Variants in MUC5B observed in about 807,000 individuals in gnomAD.
MUC5B encodes the protein mucin-5B.
Under a neutral mutation model 376.9 loss-of-function variants are expected in MUC5B, and 116 were observed. That is an observed-to-expected ratio of 0.31 (90% confidence interval 0.26 to 0.36). The LOEUF (loss-of-function observed/expected upper bound fraction) is 0.36, where lower values mean the gene tolerates loss of function less well. Ranked by LOEUF, MUC5B falls within the 10% of genes least tolerant of loss-of-function variation. The pLI is 1.00. For missense variants in MUC5B, 7,165 were observed against 7,769.9 expected, an observed-to-expected ratio of 0.92 and a Z score of 2.93; for synonymous variants, 3,517 against 3,390.9, an observed-to-expected ratio of 1.04 and a Z score of -1.29.
rs776531051 is a variant in MUC5B at position 1,243,329 on chromosome 11, C to T, written c.6449C>T (p.Ser2150Phe). The T allele has an allele frequency of 4.5e-6, 7 of 1,557,622 alleles. No homozygotes were observed. Residue 2150 changes from serine to phenylalanine, a missense_variant, in exon 31 of 49, where the codon TCC (serine) becomes TTC (phenylalanine). Coordinates refer to ENST00000529681, the MANE Select transcript of MUC5B (RefSeq NM_002458.3). ...GCCACCGGCTCCACCACCAACCCCT[C>T]CTCAACTCCTGGGACAACTCCCATC... The part of the protein sequence containing the change: ...ITATGSTTNP[S>F]STPGTTPIPP...
chr11:1,254,621 C>A, intron 34 of MUC5B, 73 bp from the exon 35 acceptor site: 1 of 1,466,410 alleles, frequency 6.8e-7, no homozygotes, highest in Non-Finnish European at 9.2e-7. Flanking sequence ...AGGCAGAGCC[C>A]CAAAGAGAAG....
In MUC5B at chr11:1,245,742, G is replaced by A. The variant is rs760373607; in HGVS notation, c.8862G>A (p.Lys2954=). The A allele has an allele frequency of 1.4e-5, 23 of 1,610,910 alleles. No homozygotes were observed. The East Asian group carries it at 4.5e-4, about 31-fold the overall frequency. ...CRNREQVGKF[K]MCFNYEIRVF... is the part of the protein sequence containing the mutation. The stretch of plus-strand genomic sequence containing the variant: ...ACCGTGAGCAGGTGGGGAAGTTCAA[G>A]ATGTGCTTCAACTATGAAATCCGTG... The change falls in exon 31 of 49, where the codon AAG becomes AAA. Residue 2954 remains lysine, a synonymous_variant. Transcript: ENST00000529681.
rs781104000 is a variant in MUC5B at position 1,246,642 on chromosome 11, G to A, written c.9762G>A (p.Gln3254=). The A allele has an allele frequency of 1.9e-6, 3 of 1,611,926 alleles. No homozygotes were observed. Among genetic ancestry groups the A allele is most frequent in the Non-Finnish European group, 2.5e-6 (3 of 1,179,108 alleles). ...SLGTAWTRLS[Q]TTTPTATMST... Reference sequence around the variant, plus strand: ...GCACCGCCTGGACCCGCCTATCACAGACCACCACACCCACGGCCACCATGT... The same window carrying A: ...GCACCGCCTGGACCCGCCTATCACAAACCACCACACCCACGGCCACCATGT... The change falls in exon 31 of 49, where the codon CAG becomes CAA. Residue 3254 remains glutamine, a synonymous_variant. Coordinates refer to ENST00000529681, the MANE Select transcript of MUC5B (RefSeq NM_002458.3).
intron 46 of MUC5B, 42 bp from the exon 47 acceptor site, chr11:1,260,309 G>GC: frequency 6.2e-7 from 1 of 1,600,314 alleles, no homozygotes; most frequent in Non-Finnish European, 8.6e-7. Context: ...CACCAGGGAG[G>GC]CCCCGCCCAC....
chr11:1,251,602 G>C lies in MUC5B; in HGVS notation c.14722G>C (p.Val4908Leu), dbSNP rs752110609. 149 of 1,612,890 alleles carry C rather than the reference G, an allele frequency of 9.2e-5. No homozygotes were observed. Among genetic ancestry groups the C allele is most frequent in the Non-Finnish European group, 1.2e-4 (144 of 1,179,822 alleles). Residue 4908 changes from valine (V) to leucine (L), a missense_variant, in exon 31 of 49, where the codon GTG becomes CTG. This residue lies in a region of MUC5B where 730 missense variants were observed against 592.7 expected (regional missense o/e 1.23). Coordinates refer to ENST00000529681, the MANE Select transcript of MUC5B (RefSeq NM_002458.3). ...STVGTTRTPA[V>L]LPSSLPTFSV... is the part of the protein sequence containing the mutation. ...CGTGGGGACCACCCGCACCCCTGCA[G>C]TGCTCCCCAGCAGCCTGCCAACCTT...
At position 1,227,682 on chromosome 11, in the gene MUC5B, G is replaced by A. The variant is rs911170152; in HGVS notation, c.675G>A (p.Arg225=). ...AFNEFYAHNA[R]LTPLQFGNLQ... ...CTGCTTTCTTCCCGGCAGACGCCAG[G>A]CTGACCCCGCTCCAGTTTGGGAACC... is the stretch of plus-strand genomic sequence containing the variant. Residue 225 remains arginine, a synonymous_variant, in exon 7 of 49, where the codon AGG becomes AGA. Coordinates refer to ENST00000529681, the MANE Select transcript of MUC5B (RefSeq NM_002458.3). 1.4e-6 allele frequency: 1 copy of A among 720,586 alleles called. No homozygotes were observed. Among genetic ancestry groups the A allele is most frequent in the Non-Finnish European group, 2.6e-6 (1 of 386,828 alleles). 44.6% of individuals were successfully genotyped at this position (720,586 alleles called of 1,614,324 possible).
At chr11:1,256,115 C>A in intron 37 of MUC5B, 41 bp from the exon 38 acceptor site, 1 of 713,590 alleles carries the variant, frequency 1.4e-6, no homozygotes, top group Non-Finnish European at 2.6e-6. Context: ...CCTGGGCCCC[C>A]CCAACCCCTT....
rs1381713154 is a variant in MUC5B, at chr11:1,251,747, A to G, written c.14863+4A>G. 1.9e-6 allele frequency: 3 copies of G among 1,569,192 alleles called. No individual in the cohort carries two copies. The highest frequency in any genetic ancestry group is 2.6e-6 in the Non-Finnish European group (3 of 1,147,044). On this transcript the variant is annotated splice_donor_region_variant and intron_variant, in intron 31 of 48. Transcript: ENST00000529681. ...TTTGGACAGTTTTTCTCGCCCGGTGAGTGCATGTGGATAACACTGCTGTAC... is the reference window on the plus strand; with the variant it reads ...TTTGGACAGTTTTTCTCGCCCGGTGGGTGCATGTGGATAACACTGCTGTAC...
Position 1,257,548 on chromosome 11 carries a change from A to T in MUC5B, c.16288A>T (p.Ser5430Cys). 2.5e-6 allele frequency: 4 copies of T among 1,608,396 alleles called. No individual in the cohort carries two copies. The highest frequency in any genetic ancestry group is 3.4e-6 in the Non-Finnish European group (4 of 1,179,598). ...ATTCCAGCCCGGGGAGCGGTGGGTC[A>T]GCAACTGCCAGTCCTGCGTGTGTGA... ...FPKFPGERWVSNCQSCVCDEG... is the reference protein window; with the variant it reads ...FPKFPGERWVCNCQSCVCDEG... Residue 5430 changes from serine (S) to cysteine (C), a missense_variant, in exon 41 of 49, where the codon AGC (serine) becomes TGC (cysteine). Ser to Cys is a moderately radical substitution (Grantham distance 112). Coordinates refer to ENST00000529681, the MANE Select transcript of MUC5B (RefSeq NM_002458.3). The surrounding 1 kb of genome is among the most constrained non-coding windows in gnomAD (Gnocchi z 8.9).
chr11:1,260,343 C>T lies in MUC5B; in HGVS notation c.16924-8C>T. ...ACAGCCCTGCCCCCTGTCTTTGGCCCCCACCAGGGGAGCCTCAGGAAAACC... is the reference window on the plus strand; with the variant it reads ...ACAGCCCTGCCCCCTGTCTTTGGCCTCCACCAGGGGAGCCTCAGGAAAACC... On this transcript the variant is annotated splice_region_variant and splice_polypyrimidine_tract_variant and intron_variant, in intron 46 of 48. Transcript: ENST00000529681. 1.2e-6 allele frequency: 2 copies of T among 1,612,392 alleles called. No individual in the cohort carries two copies. Among genetic ancestry groups the T allele is most frequent in the Non-Finnish European group, 1.7e-6 (2 of 1,179,708 alleles).
At chr11:1,260,950 G>A (rs1460170879) in intron 48 of MUC5B, among the ~76,000 whole-genome samples, 1 of 152,218 alleles carries the variant, frequency 6.6e-6, no homozygotes, top group Admixed American at 6.5e-5. Flanking sequence ...CGAGCCACAT[G>A]GCACAGAGCT....
chr11:1,240,513 C>G, intron 30 of MUC5B, 138 bp downstream of exon 30: 1 of 810,156 alleles, frequency 1.2e-6, no homozygotes, highest in South Asian at 1.8e-5. Flanking sequence ...TAGGGGTGCA[C>G]GGCCCCTCAA....
Position 1,242,235 on chromosome 11 carries a change from A to G in MUC5B, c.5355A>G (p.Gln1785=), listed in dbSNP as rs1862304975. The change falls in exon 31 of 49, where the codon CAA becomes CAG. Residue 1785 remains glutamine (Q), a synonymous_variant. Transcript: ENST00000529681. ...TTTSQGTTRC[Q]PKCEWTEWFD... Reference sequence around the variant, plus strand: ...CCAGCCAGGGCACGACCCGCTGTCAACCGAAGTGTGAGTGGACAGAGTGGT... The same window carrying G: ...CCAGCCAGGGCACGACCCGCTGTCAGCCGAAGTGTGAGTGGACAGAGTGGT... 1.2e-6 allele frequency: 2 copies of G among 1,613,660 alleles called. No individual in the cohort carries two copies. Among genetic ancestry groups the G allele is most frequent in the African/African-American group, 1.3e-5 (1 of 74,910 alleles).
intron 15 of MUC5B, 131 bp from the exon 16 acceptor site, chr11:1,232,319 C>G (rs1484228334): frequency 7.5e-7 from 1 of 1,341,290 alleles, no homozygotes; most frequent in Non-Finnish European, 1.0e-6. Flanking sequence ...CGGCCAGAAC[C>G]CCCCAAGGCG....
At position 1,248,687 on chromosome 11, in the gene MUC5B, C is replaced by G. The variant is rs1380896308; in HGVS notation, c.11807C>G (p.Ser3936Cys). The G allele has an allele frequency of 1.9e-6, 3 of 1,584,694 alleles. No individual in the cohort carries two copies. The highest frequency in any genetic ancestry group is 1.8e-5 in the Admixed American group (1 of 54,284). The change falls in exon 31 of 49, where the codon TCT (serine) becomes TGT (cysteine). Residue 3936 changes from serine (S) to cysteine (C), a missense_variant. This residue lies in a region of MUC5B where 242 missense variants were observed against 199.0 expected (regional missense o/e 1.22). Transcript: ENST00000529681. ...VATGSMATPS[S>C]STQTSGTPPS... The stretch of plus-strand genomic sequence containing the variant: ...ACTGGTTCTATGGCAACACCCTCCT[C>G]TAGCACACAGACCAGTGGTACTCCC...
chr11:1,235,753 TC>T (rs1862143373), intron 23 of MUC5B, among the ~76,000 whole-genome samples: 1 of 152,024 alleles, frequency 6.6e-6, no homozygotes, highest in Non-Finnish European at 1.5e-5. Context: ...TCTCTGTTTT[TC>T]TCTTCTGTCT....
In MUC5B at chr11:1,248,534, G is replaced by A. The variant is rs201915227; in HGVS notation, c.11654G>A (p.Arg3885His). The change falls in exon 31 of 49, where the codon CGC (arginine) becomes CAC (histidine). Residue 3885 changes from arginine to histidine, a missense_variant. Physicochemically the swap from Arg to His is conservative, Grantham distance 29. Transcript: ENST00000529681. ...CCCTCCTCCAGCCCAGGGACGGCAC[G>A]CACGCCTCCAGTGTGGATCAGCACA... ...VTPSSSPGTA[R>H]TPPVWISTTT... 3.6e-5 allele frequency: 58 copies of A among 1,612,426 alleles called. No individual in the cohort carries two copies. The highest frequency in any genetic ancestry group is 3.4e-4 in the Middle Eastern group (2 of 5,910).
At chr11:1,254,665 C>A (rs1253843947) in intron 34 of MUC5B, 29 bp from the exon 35 acceptor site, 5 of 1,598,656 alleles carry the variant, frequency 3.1e-6, no homozygotes, top group Non-Finnish European at 4.3e-6. Context: ...CACTGCCTCC[C>A]AGCTCAGGGT....
chr11:1,260,229 T>C (rs1482775370), intron 46 of MUC5B, 122 bp from the exon 47 acceptor site: 44 of 1,152,498 alleles, frequency 3.8e-5, no homozygotes, highest in East Asian at 2.5e-4. Flanking sequence ...CACCCCTGCC[T>C]GGGAGGCCCC....
Sources: allele counts gnomAD v4.1 joint callset (sites outside exome capture counted in the v4.1 genomes callset), GRCh38; gene constraint gnomAD v4.1.1; regional missense constraint gnomAD v4.1.1; non-coding constraint Gnocchi (gnomAD v3.1); transcripts MANE v1.5; gene names NCBI Gene and HGNC (gene_info 2026-07-23, HGNC 2026-07-21).